CDK8: variants seen among roughly 807,000 people sequenced by gnomAD.
CDK8 encodes cyclin-dependent kinase 8.
In CDK8, 29 loss-of-function variants were observed where a neutral mutation model predicts 71.5. The observed-to-expected ratio is 0.41, with a 90% CI of 0.30 to 0.55. The LOEUF is 0.55. Ranked by LOEUF, CDK8 falls within the 20% of genes least tolerant of loss-of-function variation. The pLI is 0.37. For synonymous variants in CDK8, 161 were observed against 192.1 expected (o/e 0.84, Z 1.34); for missense variants, 288 against 572.6 (o/e 0.50, Z 5.07).
At chr13:26,257,904 G>A (rs1871595455) in intron 1 of CDK8, among the ~76,000 whole-genome samples, 1 of 139,036 alleles carries the variant, frequency 7.2e-6, no homozygotes, top group Non-Finnish European at 1.5e-5. Context: ...TTGTGTGTGT[G>A]TGTGTGTGTG....
intron 1 of CDK8, among the ~76,000 whole-genome samples, chr13:26,289,061 T>C (rs2137898005): frequency 6.9e-6 from 1 of 144,798 alleles, no homozygotes; most frequent in East Asian, 2.0e-4. Context: ...GTTTTTTTTT[T>C]TTTTTTTTTT....
chr13:26,261,911 G>A (rs1057450256), intron 1 of CDK8, among the ~76,000 whole-genome samples: 2 of 152,168 alleles, frequency 1.3e-5, no homozygotes, highest in African/African-American at 4.8e-5. Context: ...TGTTCTTTGT[G>A]TACAAGACCT....
intron 1 of CDK8, among the ~76,000 whole-genome samples, chr13:26,271,806 CTTTTTTTTTTTTTTTTTTTTTTTT>C (rs58160694): frequency 1.6e-5 from 1 of 62,684 alleles, no homozygotes; most frequent in Non-Finnish European, 2.7e-5. Flanking sequence ...GAGACCCTGT[CTTTTTTTTTTTTTTTTTTTTTTTT>C]TTTTTTTTTT....
chr13:26,324,773 G>A (rs1414669369), intron 1 of CDK8: 2 of 799,796 alleles, frequency 2.5e-6, no homozygotes, highest in Admixed American at 6.2e-5. Flanking sequence ...TCTTAATAGA[G>A]TTGTTAAGGC....
intron 1 of CDK8, among the ~76,000 whole-genome samples, chr13:26,319,506 C>G (rs1310679355): frequency 6.6e-6 from 1 of 151,246 alleles, no homozygotes; most frequent in African/African-American, 2.4e-5. Context: ...AGGAATTAAC[C>G]AAGAGGTAAA....
intron 6 of CDK8, among the ~76,000 whole-genome samples, chr13:26,390,813 A>C (rs1875709740): frequency 6.6e-6 from 1 of 152,148 alleles, no homozygotes; most frequent in Admixed American, 6.5e-5. Context: ...TCTCCTCCCA[A>C]ATTTGGTCTG....
At chr13:26,295,845 C>A (rs1873533176) in intron 1 of CDK8, among the ~76,000 whole-genome samples, 1 of 152,072 alleles carries the variant, frequency 6.6e-6, no homozygotes, top group Non-Finnish European at 1.5e-5. Flanking sequence ...TCTCAATGGT[C>A]AGGTAACAGG....
chr13:26,385,153 T>C, intron 5 of CDK8, 58 bp from the exon 6 acceptor site: 14 of 1,374,258 alleles, frequency 1.0e-5, no homozygotes, highest in Non-Finnish European at 1.4e-5. Flanking sequence ...ATTAGACTAA[T>C]TGGTTAGATT....
intron 4 of CDK8, among the ~76,000 whole-genome samples, chr13:26,364,222 A>G (rs948534407): frequency 4.6e-5 from 7 of 152,226 alleles, no homozygotes; most frequent in African/African-American, 1.7e-4. Flanking sequence ...AGGAAAACAC[A>G]CGACACAATC....
At chr13:26,335,238 C>T (rs1872927158) in intron 1 of CDK8, among the ~76,000 whole-genome samples, 1 of 152,228 alleles carries the variant, frequency 6.6e-6, no homozygotes, top group South Asian at 2.1e-4. Flanking sequence ...ATAGACCCTG[C>T]CACCACATCG....
Position 26,271,857 on chromosome 13 carries a change from A to G in CDK8, c.128+17088A>G, listed in dbSNP as rs151116328. Among the ~76,000 whole-genome samples the G allele has an allele frequency of 3.3e-3, 438 of 132,446 alleles. 3 individuals are homozygous for G. The highest frequency in any genetic ancestry group is 0.012 in the African/African-American group (404 of 34,182). 86.9% of individuals were successfully genotyped at this position (132,446 alleles called of 152,430 possible). On this transcript the variant is annotated intron_variant, in intron 1 of 12. Coordinates refer to ENST00000381527, the MANE Select transcript of CDK8 (RefSeq NM_001260.3). ...TTTTTTTTTTTAAGAGAGAGACATA[A>G]AAATTGGTATACCTGTGTAGGGTAC...
At chr13:26,324,786 A>G in intron 1 of CDK8, 1 of 873,242 alleles carries the variant, frequency 1.1e-6, no homozygotes. Context: ...GTTAAGGCAA[A>G]TGACTTTGGG....
chr13:26,264,600 G>A (rs781286002), intron 1 of CDK8, among the ~76,000 whole-genome samples: 19 of 152,152 alleles, frequency 1.2e-4, no homozygotes, highest in Non-Finnish European at 2.4e-4. Flanking sequence ...AGGGTACTTA[G>A]GAAGTTCATC....
chr13:26,266,652 T>C (rs1872033360), intron 1 of CDK8, among the ~76,000 whole-genome samples: 1 of 152,204 alleles, frequency 6.6e-6, no homozygotes, highest in Non-Finnish European at 1.5e-5. Context: ...CTAAAGATTT[T>C]TGGATACCAA....
intron 1 of CDK8, among the ~76,000 whole-genome samples, chr13:26,298,580 T>C (rs897097807): frequency 7.2e-5 from 11 of 152,130 alleles, no homozygotes; most frequent in Non-Finnish European, 1.2e-4. Context: ...GTGTTTGAGC[T>C]GTAGATTTCC....
At chr13:26,399,760 C>G (rs1031807711) in intron 9 of CDK8, among the ~76,000 whole-genome samples, 1 of 152,192 alleles carries the variant, frequency 6.6e-6, no homozygotes, top group Non-Finnish European at 1.5e-5. Flanking sequence ...TTTTTAATCT[C>G]CATTTGACAA....
At chr13:26,358,797 A>G (rs766742468) in intron 4 of CDK8, among the ~76,000 whole-genome samples, 5 of 152,228 alleles carry the variant, frequency 3.3e-5, no homozygotes, top group Non-Finnish European at 7.3e-5. Flanking sequence ...TACATACAAT[A>G]GAATATTATT....
At chr13:26,384,326 T>G (rs1327991436) in intron 5 of CDK8, among the ~76,000 whole-genome samples, 1 of 152,154 alleles carries the variant, frequency 6.6e-6, no homozygotes, top group Non-Finnish European at 1.5e-5. Context: ...AAAATAGAAC[T>G]AAACTTATCA....
chr13:26,268,741 C>G (rs923068050), intron 1 of CDK8, among the ~76,000 whole-genome samples: 2 of 152,072 alleles, frequency 1.3e-5, no homozygotes, highest in Non-Finnish European at 2.9e-5. Context: ...TGTTTACTTT[C>G]ATCAGATTTC....
Sources: gnomAD v4.1 joint callset for allele counts (sites outside exome capture counted in the v4.1 genomes callset) on GRCh38, gnomAD v4.1.1 for gene constraint, MANE v1.5 for transcripts, NCBI Gene and HGNC (gene_info 2026-07-23, HGNC 2026-07-21) for gene names.